B3GALNT2: variants seen among roughly 807,000 people sequenced by gnomAD.
B3GALNT2 encodes beta-1,3-N-acetylgalactosaminyltransferase 2, also known as UDP-GalNAc:beta-1,3-N-acetylgalactosaminyltransferase 2.
In B3GALNT2, 53 loss-of-function variants were observed where a neutral mutation model predicts 61.1. The ratio of observed to expected loss-of-function variants is 0.87; its 90% CI spans 0.70 to 1.09. B3GALNT2 has a LOEUF of 1.09. Among genes scored for constraint, B3GALNT2 ranks in the 50% least tolerant of loss-of-function variants. B3GALNT2 has a pLI of 0.00. For missense variants in B3GALNT2, 544 were observed against 623.0 expected, an observed-to-expected ratio of 0.87 and a Z score of 1.35; for synonymous variants, 223 against 237.4, an observed-to-expected ratio of 0.94 and a Z score of 0.56.
In B3GALNT2 at chr1:235,448,507, C is replaced by CTA; in HGVS notation, c.*1698_*1699insTA. 6.7e-7 allele frequency: 1 copy of CTA among 1,483,256 alleles called. No individual in the cohort carries two copies. The highest frequency in any genetic ancestry group is 9.4e-7 in the Non-Finnish European group (1 of 1,060,944). 91.9% of individuals were successfully genotyped at this position (1,483,256 alleles called of 1,614,324 possible). ...TCCTCGTATTATGACATTAAACTGTCTCTAGATAGCAACAGTTTGATTCTA... is the reference window on the plus strand; with the variant it reads ...TCCTCGTATTATGACATTAAACTGTCTATCTAGATAGCAACAGTTTGATTCTA... On this transcript the variant is annotated 3_prime_UTR_variant, in exon 12 of 12. Coordinates refer to ENST00000366600, the MANE Select transcript of B3GALNT2 (RefSeq NM_152490.5).
intron 11 of B3GALNT2, chr1:235,451,867 T>C (rs1168881871): frequency 1.3e-5 from 2 of 152,200 alleles, no homozygotes; most frequent in African/African-American, 4.8e-5. Context: ...CTAGTTTCCA[T>C]TTTGGTCTCT....
chr1:235,453,022 C>T, intron 11 of B3GALNT2, 68 bp downstream of exon 11: 1 of 1,392,600 alleles, frequency 7.2e-7, no homozygotes, highest in Non-Finnish European at 1.0e-6. Flanking sequence ...ATAAAGAACA[C>T]TCAACCTGTA....
intron 5 of B3GALNT2, chr1:235,479,375 G>A (rs1684448998): frequency 6.6e-6 from 1 of 152,194 alleles, no homozygotes; most frequent in Non-Finnish European, 1.5e-5. Context: ...AATGTACTCG[G>A]CCTAGACTAA....
Position 235,448,054 on chromosome 1 carries a change from CAA to C in B3GALNT2, c.*2150_*2151del, listed in dbSNP as rs756329713. On this transcript the variant is annotated 3_prime_UTR_variant, in exon 12 of 12. Coordinates refer to ENST00000366600, the MANE Select transcript of B3GALNT2 (RefSeq NM_152490.5). ...TGAAACCCCGTCTCTACTAAAAATA[CAA>C]AAGTTAGCTGGGTGTGGTGATGGGC... 2.0e-5 allele frequency among the ~76,000 whole-genome samples: 3 copies of C among 151,946 alleles called. No individual in the cohort carries two copies. Among genetic ancestry groups the C allele is most frequent in the African/African-American group, 7.3e-5 (3 of 41,362 alleles).
intron 1 of B3GALNT2, among the ~76,000 whole-genome samples, chr1:235,499,799 T>G (rs1685504185): frequency 1.3e-5 from 2 of 152,256 alleles, no homozygotes; most frequent in South Asian, 2.1e-4. Context: ...AGATTCTTCT[T>G]GTCCTCTCTG....
At chr1:235,504,020 T>A (rs1313070009) in intron 1 of B3GALNT2, 121 bp downstream of exon 1, 1 of 1,070,452 alleles carries the variant, frequency 9.3e-7, no homozygotes, top group Non-Finnish European at 1.2e-6. Context: ...TTGTTTCGTC[T>A]GGGGACCGTC....
chr1:235,469,473 G>A (rs550691847), intron 6 of B3GALNT2, among the ~76,000 whole-genome samples: 18 of 152,274 alleles, frequency 1.2e-4, no homozygotes, highest in African/African-American at 4.3e-4. Context: ...TTAAAGCAAA[G>A]CCGAATGAGA....
In B3GALNT2 at chr1:235,450,620, C is replaced by T. The variant is rs1041282660; in HGVS notation, c.1369-280G>A. On this transcript the variant is annotated intron_variant, in intron 11 of 11. Transcript: ENST00000366600. ...ATTCCGTAATGAACGATTTTAGAAA[C>T]CACAAGTGAGTTTCATGTTTGCTAG... 4 of 373,044 alleles carry T rather than the reference C, an allele frequency of 1.1e-5. No homozygotes were observed. The East Asian group carries it at 2.1e-4, about 20-fold the overall frequency. The allele number at this position is 373,044 out of a possible 1,614,324, so 23.1% of individuals were successfully genotyped here.
intron 9 of B3GALNT2, among the ~76,000 whole-genome samples, chr1:235,454,586 A>C (rs1291751834): frequency 6.6e-6 from 1 of 151,794 alleles, no homozygotes; most frequent in Non-Finnish European, 1.5e-5. Context: ...TTACAGGCGC[A>C]CACCATCATG....
chr1:235,495,046 T>G (rs938584326), intron 1 of B3GALNT2, among the ~76,000 whole-genome samples: 2 of 152,228 alleles, frequency 1.3e-5, no homozygotes, highest in African/African-American at 2.4e-5. Flanking sequence ...TATATATGTA[T>G]GTATTCATGC....
At chr1:235,487,179 C>T (rs922997876) in intron 3 of B3GALNT2, among the ~76,000 whole-genome samples, 6 of 146,198 alleles carry the variant, frequency 4.1e-5, no homozygotes, top group Non-Finnish European at 7.5e-5. Flanking sequence ...AAAAAAAAGA[C>T]AAGACTCCAG....
At chr1:235,482,237 G>T (rs1219664947) in intron 4 of B3GALNT2, among the ~76,000 whole-genome samples, 1 of 152,072 alleles carries the variant, frequency 6.6e-6, no homozygotes, top group African/African-American at 2.4e-5. Context: ...CTCCAAATAT[G>T]CATCTCCTCC....
chr1:235,453,132 G>A lies in B3GALNT2; in HGVS notation c.1326C>T (p.Ser442=), dbSNP rs1011621947. The change falls in exon 11 of 12, where the codon AGC becomes AGT. Residue 442 remains serine, a synonymous_variant. Transcript: ENST00000366600. ...RLKTYQGEDV[S]MGIWMAAIGP... Reference sequence around the variant, plus strand: ...CTATGGCAGCCATCCAGATGCCCATGCTTACATCTTCACCCTATACATGGC... The same window carrying A: ...CTATGGCAGCCATCCAGATGCCCATACTTACATCTTCACCCTATACATGGC... 1.2e-6 allele frequency: 2 copies of A among 1,612,524 alleles called. No homozygotes were observed. Among genetic ancestry groups the A allele is most frequent in the East Asian group, 2.2e-5 (1 of 44,876 alleles).
chr1:235,471,264 CAT>C (rs1457942792), intron 5 of B3GALNT2, among the ~76,000 whole-genome samples: 2 of 152,180 alleles, frequency 1.3e-5, no homozygotes, highest in Admixed American at 6.5e-5. Flanking sequence ...CATTCTTCCT[CAT>C]GTGTGTATAA....
intron 9 of B3GALNT2, 105 bp from the exon 10 acceptor site, chr1:235,454,420 A>C (rs1683070715): frequency 8.7e-7 from 1 of 1,142,898 alleles, no homozygotes; most frequent in African/African-American, 1.6e-5. Context: ...AGCTTGTAGA[A>C]GTGAGGAAAG....
Position 235,504,314 on chromosome 1 carries a change from A to T in B3GALNT2, c.-62T>A. 1 of 1,456,498 alleles carries T rather than the reference A, an allele frequency of 6.9e-7. No homozygotes were observed. The allele number at this position is 1,456,498 out of a possible 1,614,324, so 90.2% of individuals were successfully genotyped here. ...CCGGCGGAGAGGGAGGGGACCTGCA[A>T]GTGCGGAGACTGAGGGGCGGCGGCT... On this transcript the variant is annotated 5_prime_UTR_variant, in exon 1 of 12. The change creates a new upstream start codon in the 5' untranslated region. Transcript: ENST00000366600.
At chr1:235,464,857 T>C (rs1038068756) in intron 7 of B3GALNT2, 3 of 152,178 alleles carry the variant, frequency 2.0e-5, no homozygotes, top group African/African-American at 7.2e-5. Context: ...GAAATACGAA[T>C]AAAAATCACA....
At chr1:235,476,933 G>A (rs1454819091) in intron 5 of B3GALNT2, among the ~76,000 whole-genome samples, 1 of 151,482 alleles carries the variant, frequency 6.6e-6, no homozygotes, top group Non-Finnish European at 1.5e-5. Flanking sequence ...GTTGAGGTAG[G>A]AGAATCATTT....
chr1:235,478,188 G>C (rs1355150253), intron 5 of B3GALNT2, among the ~76,000 whole-genome samples: 1 of 152,082 alleles, frequency 6.6e-6, no homozygotes, highest in Admixed American at 6.5e-5. Flanking sequence ...GAGTAACTGG[G>C]ATTACAGGAG....
Sources: allele counts gnomAD v4.1 joint callset (sites outside exome capture counted in the v4.1 genomes callset), GRCh38; gene constraint gnomAD v4.1.1; transcripts MANE v1.5; gene names NCBI Gene and HGNC (gene_info 2026-07-23, HGNC 2026-07-21).